Variants in SORBS2 observed in about 807,000 individuals in gnomAD.
The protein encoded by SORBS2 is sorbin and SH3 domain containing 2, also known as sorbin and SH3 domain-containing protein 2.
SORBS2 carries 46 observed loss-of-function variants against 97.7 expected under a neutral mutation model. That is an observed-to-expected ratio of 0.47 (90% CI 0.37 to 0.60). The LOEUF (loss-of-function observed/expected upper bound fraction) is 0.60, where lower values mean the gene tolerates loss of function less well. Ranked by LOEUF, SORBS2 falls within the 20% of genes least tolerant of loss-of-function variation. The probability of loss-of-function intolerance (pLI) is 0.00; values close to 1 mark genes in which losing one functional copy is unlikely to be tolerated. For synonymous variants in SORBS2, 476 were observed against 473.4 expected, an observed-to-expected ratio of 1.01 and a Z score of -0.07; for missense variants, 1,316 against 1,282.3, an observed-to-expected ratio of 1.03 and a Z score of -0.40.
chr4:185,603,997 C>T (rs985077836), intron 12 of SORBS2, among the ~76,000 whole-genome samples: 2 of 152,092 alleles, frequency 1.3e-5, no homozygotes, highest in Non-Finnish European at 1.5e-5. Flanking sequence ...TGGGAAATGA[C>T]GGGAGACAAT....
At chr4:185,809,482 A>AAAAAAAAAAAC (rs1561170208) in intron 1 of SORBS2, among the ~76,000 whole-genome samples, 1 of 147,894 alleles carries the variant, frequency 6.8e-6, no homozygotes, top group African/African-American at 2.5e-5. Flanking sequence ...AAAAAAAAAA[A>AAAAAAAAAAAC]TCTGATATAG....
At chr4:185,925,088 A>C (rs1280244119) in intron 1 of SORBS2, among the ~76,000 whole-genome samples, 1 of 152,208 alleles carries the variant, frequency 6.6e-6, no homozygotes, top group Non-Finnish European at 1.5e-5. Context: ...GAGACCAAAA[A>C]CACAAAAACA....
At chr4:185,731,395 T>A (rs1387577018) in intron 2 of SORBS2, among the ~76,000 whole-genome samples, 1 of 152,144 alleles carries the variant, frequency 6.6e-6, no homozygotes, top group Non-Finnish European at 1.5e-5. Context: ...ATTTTTTCAG[T>A]GAGATTCTCT....
At chr4:185,724,010 T>A (rs2098537200) in intron 2 of SORBS2, among the ~76,000 whole-genome samples, 1 of 152,230 alleles carries the variant, frequency 6.6e-6, no homozygotes, top group African/African-American at 2.4e-5. Context: ...GCACCTGACA[T>A]TCCAAGTTAT....
At chr4:185,787,257 T>C (rs998800766) in intron 1 of SORBS2, among the ~76,000 whole-genome samples, 3 of 152,172 alleles carry the variant, frequency 2.0e-5, no homozygotes, top group African/African-American at 7.2e-5. Flanking sequence ...AAGACAGGGA[T>C]ACTTTGAATG....
intron 1 of SORBS2, among the ~76,000 whole-genome samples, chr4:185,827,312 C>T (rs1266703648): frequency 3.2e-4 from 13 of 41,116 alleles, no homozygotes; most frequent in Non-Finnish European, 4.9e-4. Flanking sequence ...ACCATCATCA[C>T]CATCATCACC....
chr4:185,738,111 C>A (rs189569726), intron 2 of SORBS2, among the ~76,000 whole-genome samples: 1 of 152,218 alleles, frequency 6.6e-6, no homozygotes, highest in East Asian at 1.9e-4. Flanking sequence ...CCAAGTCAAT[C>A]GAGACAGCCT....
At chr4:185,598,105 G>T (rs1312491048) in intron 12 of SORBS2, among the ~76,000 whole-genome samples, 1 of 152,194 alleles carries the variant, frequency 6.6e-6, no homozygotes, top group African/African-American at 2.4e-5. Context: ...GTGACATTCA[G>T]AGAGGCTTAC....
At chr4:185,848,288 C>A (rs1273618177) in intron 1 of SORBS2, among the ~76,000 whole-genome samples, 1 of 152,082 alleles carries the variant, frequency 6.6e-6, no homozygotes, top group Non-Finnish European at 1.5e-5. Flanking sequence ...TTCCTGAGTG[C>A]CTTTAACCAC....
chr4:185,694,984 T>C (rs2098155293), intron 2 of SORBS2, among the ~76,000 whole-genome samples: 1 of 151,920 alleles, frequency 6.6e-6, no homozygotes. Context: ...GGATTACAGA[T>C]GTGAGCCACC....
At chr4:185,638,646 T>C (rs1238144155) in intron 4 of SORBS2, among the ~76,000 whole-genome samples, 1 of 100,584 alleles carries the variant, frequency 9.9e-6, no homozygotes, top group Non-Finnish European at 1.9e-5. Flanking sequence ...TGCAGGCAGG[T>C]GGTAAGCCTG....
intron 4 of SORBS2, chr4:185,646,462 C>T (rs1274649244): frequency 2.0e-6 from 1 of 493,674 alleles, no homozygotes; most frequent in Non-Finnish European, 3.6e-6. Context: ...CACACATACA[C>T]TTGTATTTGG....
intron 1 of SORBS2, among the ~76,000 whole-genome samples, chr4:185,942,487 A>T (rs939272696): frequency 1.3e-5 from 2 of 151,680 alleles, no homozygotes; most frequent in Non-Finnish European, 2.9e-5. Flanking sequence ...AGTAGCTGGG[A>T]TTACAGGTGC....
chr4:185,638,899 G>T, intron 4 of SORBS2: 1 of 1,485,054 alleles, frequency 6.7e-7, no homozygotes, highest in Non-Finnish European at 8.9e-7. Context: ...CAGAGCCGGG[G>T]CGCGCGAGCT....
At chr4:185,741,620 TC>T (rs2098727558) in intron 2 of SORBS2, among the ~76,000 whole-genome samples, 2 of 152,176 alleles carry the variant, frequency 1.3e-5, no homozygotes, top group South Asian at 4.2e-4. Context: ...CGCCTTGGCC[TC>T]CCAAAGTGCT....
At chr4:185,807,634 A>C (rs1218351875) in intron 1 of SORBS2, among the ~76,000 whole-genome samples, 3 of 152,226 alleles carry the variant, frequency 2.0e-5, no homozygotes, top group East Asian at 3.8e-4. Context: ...CTGAAACGTG[A>C]GTTCTTATTT....
chr4:185,672,238 C>T (rs139022480), intron 4 of SORBS2, among the ~76,000 whole-genome samples: 427 of 152,350 alleles, frequency 2.8e-3, no homozygotes, highest in Middle Eastern at 6.8e-3. Context: ...AGTTTCCTCT[C>T]CCTTCTACAT....
At chr4:185,600,928 G>C (rs1439869004) in intron 12 of SORBS2, among the ~76,000 whole-genome samples, 1 of 151,942 alleles carries the variant, frequency 6.6e-6, no homozygotes, top group African/African-American at 2.4e-5. Flanking sequence ...TATTTTCAGA[G>C]TAAGATCTTT....
intron 1 of SORBS2, among the ~76,000 whole-genome samples, chr4:185,859,448 T>C (rs1300446716): frequency 6.6e-6 from 1 of 152,188 alleles, no homozygotes; most frequent in African/African-American, 2.4e-5. Flanking sequence ...CTCAAAGTGC[T>C]GGGCGATTTT....
Sources: allele counts gnomAD v4.1 joint callset (sites outside exome capture counted in the v4.1 genomes callset), GRCh38; gene constraint gnomAD v4.1.1; transcripts MANE v1.5; gene names NCBI Gene and HGNC (gene_info 2026-07-23, HGNC 2026-07-21).